Variants in ANKRD29 observed in about 807,000 individuals in gnomAD.
The protein encoded by ANKRD29 is ankyrin repeat domain-containing protein 29.
In ANKRD29, 32 loss-of-function variants were observed where a neutral mutation model predicts 38.0. The observed-to-expected ratio is 0.84, with a 90% CI of 0.64 to 1.13. The LOEUF (loss-of-function observed/expected upper bound fraction) is 1.13, where lower values mean the gene tolerates loss of function less well. Ranked by LOEUF, ANKRD29 falls within the 50% of genes most tolerant of loss-of-function variation. ANKRD29 has a pLI of 0.00. For missense variants in ANKRD29, 357 were observed against 377.9 expected (o/e 0.94, Z 0.46); for synonymous variants, 135 against 152.4 (o/e 0.89, Z 0.84).
intron 4 of ANKRD29, among the ~76,000 whole-genome samples, chr18:23,634,441 C>G (rs546690071): frequency 6.6e-6 from 1 of 151,896 alleles, no homozygotes; most frequent in Non-Finnish European, 1.5e-5. Flanking sequence ...AGGCGTGCAC[C>G]ACCATGCCCA....
chr18:23,649,025 C>T (rs2060176401), intron 2 of ANKRD29, 58 bp downstream of exon 2: 1 of 1,411,206 alleles, frequency 7.1e-7, no homozygotes, highest in Admixed American at 2.0e-5. Context: ...CTGAGGTGCT[C>T]CTGTGCCCAC....
chr18:23,637,253 A>G (rs2060014260), intron 4 of ANKRD29, among the ~76,000 whole-genome samples: 2 of 152,222 alleles, frequency 1.3e-5, no homozygotes, highest in African/African-American at 4.8e-5. Context: ...ATAATAGAAA[A>G]TAAACTAATA....
chr18:23,646,144 T>C, intron 3 of ANKRD29, 45 bp downstream of exon 3: 1 of 1,576,626 alleles, frequency 6.3e-7, no homozygotes, highest in Non-Finnish European at 8.7e-7. Flanking sequence ...AAACTTCAGA[T>C]CTCTGAGCCT....
chr18:23,637,353 A>C (rs2060015488), intron 4 of ANKRD29, among the ~76,000 whole-genome samples: 1 of 152,208 alleles, frequency 6.6e-6, no homozygotes, highest in Admixed American at 6.5e-5. Flanking sequence ...AGAAAAGACA[A>C]AACCTTATAT....
intron 3 of ANKRD29, among the ~76,000 whole-genome samples, chr18:23,641,306 C>T (rs756083525): frequency 2.0e-5 from 3 of 152,222 alleles, no homozygotes; most frequent in Non-Finnish European, 4.4e-5. Flanking sequence ...CTGGGCATCC[C>T]TGTGCTCTCT....
At chr18:23,618,687 C>T (rs1483574474) in intron 7 of ANKRD29, 1 of 151,944 alleles carries the variant, frequency 6.6e-6, no homozygotes, top group Non-Finnish European at 1.5e-5. Flanking sequence ...TTTCCAAATT[C>T]CTTTTTCTCC....
intron 5 of ANKRD29, among the ~76,000 whole-genome samples, chr18:23,631,100 T>C (rs558170684): frequency 6.6e-6 from 1 of 152,136 alleles, no homozygotes; most frequent in South Asian, 2.1e-4. Flanking sequence ...TCTGCAAGAA[T>C]TAAGATACAA....
rs775031218 is a variant in ANKRD29 at position 23,601,276 on chromosome 18, C to T, written c.856G>A (p.Glu286Lys). 2.5e-6 allele frequency: 4 copies of T among 1,613,928 alleles called. No individual in the cohort carries two copies. The highest frequency in any genetic ancestry group is 3.4e-6 in the Non-Finnish European group (4 of 1,179,994). Reference protein sequence around the residue: ...NELPAELTKNERILRLLRSKE... With the variant: ...NELPAELTKNKRILRLLRSKE... The stretch of plus-strand genomic sequence containing the variant: ...CTTCTCAGGAGACGCAATATACGTT[C>T]ATTTTTGGTTAGTTCTGCCGGAAGT... Residue 286 changes from glutamate to lysine, a missense_variant, in exon 10 of 10, where the codon GAA (glutamate) becomes AAA (lysine). Glu to Lys is a moderately conservative substitution (Grantham distance 56, BLOSUM62 1). Coordinates refer to ENST00000592179, the MANE Select transcript of ANKRD29 (RefSeq NM_173505.4).
intron 6 of ANKRD29, among the ~76,000 whole-genome samples, chr18:23,620,566 C>T (rs939598902): frequency 1.3e-5 from 2 of 152,098 alleles, no homozygotes; most frequent in Non-Finnish European, 2.9e-5. Context: ...AGAGTGTCCA[C>T]GTTTTCTTCC....
chr18:23,650,998 A>G (rs895964456), intron 1 of ANKRD29, among the ~76,000 whole-genome samples: 2 of 152,218 alleles, frequency 1.3e-5, no homozygotes, highest in African/African-American at 4.8e-5. Context: ...CCTTTTAAAT[A>G]TATTGATATC....
chr18:23,614,658 A>G (rs2059687943), intron 8 of ANKRD29, among the ~76,000 whole-genome samples: 1 of 140,056 alleles, frequency 7.1e-6, no homozygotes, highest in African/African-American at 2.7e-5. Flanking sequence ...ACATAGCGAG[A>G]CCCTGTCTCC....
chr18:23,605,175 C>T (rs1398344148), intron 9 of ANKRD29, among the ~76,000 whole-genome samples: 1 of 152,182 alleles, frequency 6.6e-6, no homozygotes, highest in Non-Finnish European at 1.5e-5. Flanking sequence ...CTCGCCTTAA[C>T]CTCCCAAAGT....
At chr18:23,604,533 C>CA (rs990706743) in intron 9 of ANKRD29, among the ~76,000 whole-genome samples, 1 of 149,262 alleles carries the variant, frequency 6.7e-6, no homozygotes, top group Admixed American at 6.7e-5. Flanking sequence ...CCAACAGGTG[C>CA]TTTTTTTTTT....
chr18:23,611,659 T>C (rs1250462072), intron 9 of ANKRD29, among the ~76,000 whole-genome samples: 2 of 152,132 alleles, frequency 1.3e-5, no homozygotes, highest in Non-Finnish European at 2.9e-5. Flanking sequence ...CACTCCAGTC[T>C]GGGTGACAGA....
At chr18:23,659,679 GT>G (rs1047244649) in intron 1 of ANKRD29, among the ~76,000 whole-genome samples, 22 of 151,630 alleles carry the variant, frequency 1.5e-4, no homozygotes, top group Non-Finnish European at 3.2e-4. Context: ...GGAGGCAGAG[GT>G]TGCGGTGAGC....
At chr18:23,644,228 C>G (rs924364522) in intron 3 of ANKRD29, among the ~76,000 whole-genome samples, 1 of 152,206 alleles carries the variant, frequency 6.6e-6, no homozygotes, top group Non-Finnish European at 1.5e-5. Context: ...AAATACTTCT[C>G]TCCTCTTCTA....
intron 1 of ANKRD29, among the ~76,000 whole-genome samples, chr18:23,654,658 T>C (rs1338472806): frequency 6.6e-6 from 1 of 151,366 alleles, no homozygotes; most frequent in East Asian, 1.9e-4. Context: ...ATAGTCTGTT[T>C]GGGTCCAGAG....
Position 23,605,690 on chromosome 18 carries a change from C to A in ANKRD29, c.823-4381G>T, listed in dbSNP as rs190263977. ...TACAGGCATGCGCGACCATGCCTGGCTAATTTTTGTATTTTTAGTAGAGAC... is the reference window on the plus strand; with the variant it reads ...TACAGGCATGCGCGACCATGCCTGGATAATTTTTGTATTTTTAGTAGAGAC... On this transcript the variant is annotated intron_variant, in intron 9 of 9. Transcript: ENST00000592179. Among the ~76,000 whole-genome samples, 5 of 152,038 alleles carry A rather than the reference C, an allele frequency of 3.3e-5. No homozygotes were observed. In the East Asian group the frequency reaches 9.7e-4, roughly 29 times the overall value.
intron 1 of ANKRD29, among the ~76,000 whole-genome samples, chr18:23,653,353 C>T (rs1305571664): frequency 6.6e-6 from 1 of 151,846 alleles, no homozygotes; most frequent in East Asian, 1.9e-4. Context: ...TGGGTTCAAG[C>T]GATTCTTCTG....
Sources: gnomAD v4.1 joint callset for allele counts (sites outside exome capture counted in the v4.1 genomes callset) on GRCh38, gnomAD v4.1.1 for gene constraint, MANE v1.5 for transcripts, NCBI Gene and HGNC (gene_info 2026-07-23, HGNC 2026-07-21) for gene names.